The following SLC26A7 variants were observed in gnomAD, a reference collection of about 807,000 sequenced individuals.
The protein encoded by SLC26A7 is solute carrier family 26 member 7, also known as anion exchange transporter.
Under a neutral mutation model 82.5 loss-of-function variants are expected in SLC26A7, and 59 were observed. The observed-to-expected ratio is 0.72, with a 90% confidence interval of 0.58 to 0.89. The LOEUF (loss-of-function observed/expected upper bound fraction) is 0.89, where lower values mean the gene tolerates loss of function less well. Among genes scored for constraint, SLC26A7 ranks in the 40% least tolerant of loss-of-function variants. SLC26A7 has a pLI of 0.00. For missense variants in SLC26A7, 820 were observed against 793.0 expected, an observed-to-expected ratio of 1.03 and a Z score of -0.41; for synonymous variants, 271 against 274.3, an observed-to-expected ratio of 0.99 and a Z score of 0.12.
chr8:91,217,714 G>A (rs896899653), intron 1 of SLC26A7, among the ~76,000 whole-genome samples: 1 of 152,148 alleles, frequency 6.6e-6, no homozygotes, highest in Non-Finnish European at 1.5e-5. Flanking sequence ...GGGCTTTTGT[G>A]CCAGCACAAT....
intron 1 of SLC26A7, among the ~76,000 whole-genome samples, chr8:91,214,009 G>T (rs1480001406): frequency 6.6e-6 from 1 of 152,002 alleles, no homozygotes; most frequent in Non-Finnish European, 1.5e-5. Context: ...AAACCGGTGA[G>T]ATATATATGT....
chr8:91,241,151 T>C (rs1810468644), intron 2 of SLC26A7, among the ~76,000 whole-genome samples: 1 of 152,162 alleles, frequency 6.6e-6, no homozygotes, highest in Admixed American at 6.5e-5. Flanking sequence ...TTTCTACTTC[T>C]TGGGTAAGTG....
At chr8:91,264,709 C>T (rs1339282734) in intron 2 of SLC26A7, among the ~76,000 whole-genome samples, 1 of 151,988 alleles carries the variant, frequency 6.6e-6, no homozygotes, top group Non-Finnish European at 1.5e-5. Context: ...TTTCCCAAAC[C>T]TCATTAAGTA....
chr8:91,246,188 T>C (rs1367450162), upstream of SLC26A7, among the ~76,000 whole-genome samples: 3 of 152,328 alleles, frequency 2.0e-5, no homozygotes, highest in East Asian at 5.8e-4. Flanking sequence ...TAAATGATTT[T>C]TGGGTACTTT....
At chr8:91,220,388 TAA>T (rs59098803) in intron 2 of SLC26A7, among the ~76,000 whole-genome samples, 1 of 144,700 alleles carries the variant, frequency 6.9e-6, no homozygotes, top group Admixed American at 6.9e-5. Flanking sequence ...TTATTTCTTC[TAA>T]AAAAAAAAAA....
chr8:91,390,990 T>A (rs2130907208), intron 16 of SLC26A7, among the ~76,000 whole-genome samples: 1 of 152,308 alleles, frequency 6.6e-6, no homozygotes, highest in East Asian at 1.9e-4. Flanking sequence ...CACAGCATGG[T>A]CAGAAAGTGG....
rs751023471 is a variant in SLC26A7 at position 91,362,337 on chromosome 8, C to A, written c.1315-16C>A. 1.1e-5 allele frequency: 17 copies of A among 1,586,038 alleles called. No homozygotes were observed. The South Asian group carries it at 1.9e-4, about 18-fold the overall frequency. ...TCCAAAGGATTCACAACTTCTGTTT[C>A]TTGTTTCTCTTTCAGGGAATATGGG... On this transcript the variant is annotated splice_polypyrimidine_tract_variant and intron_variant, in intron 11 of 18. Coordinates refer to ENST00000276609, the MANE Select transcript of SLC26A7 (RefSeq NM_052832.4).
At position 91,313,998 on chromosome 8, in the gene SLC26A7, A is replaced by G. The variant is rs1040706684; in HGVS notation, c.478-4218A>G. On this transcript the variant is annotated intron_variant, in intron 4 of 18. Coordinates refer to ENST00000276609, the MANE Select transcript of SLC26A7 (RefSeq NM_052832.4). ...TTAATGTGGAACATATGGTGTTTAT[A>G]GAAGCATTATCAAATAGTATCATGC... Among the ~76,000 whole-genome samples the G allele has an allele frequency of 5.3e-5, 8 of 152,368 alleles. No homozygotes were observed. In the South Asian group the frequency reaches 1.4e-3, roughly 28 times the overall value.
upstream of SLC26A7, among the ~76,000 whole-genome samples, chr8:91,244,782 A>G (rs950313552): frequency 6.6e-5 from 10 of 151,786 alleles, no homozygotes; most frequent in African/African-American, 2.4e-4. Flanking sequence ...CTGCCTCCCA[A>G]AGTGCTAGGA....
At chr8:91,338,058 T>C (rs925241988) in intron 6 of SLC26A7, 92 bp from the exon 7 acceptor site, 4 of 705,244 alleles carry the variant, frequency 5.7e-6, no homozygotes, top group Non-Finnish European at 8.7e-6. Context: ...TTATGGGACA[T>C]GAGAACAATG....
At chr8:91,264,085 A>G (rs1390017663) in intron 2 of SLC26A7, among the ~76,000 whole-genome samples, 5 of 152,062 alleles carry the variant, frequency 3.3e-5, no homozygotes, top group Non-Finnish European at 7.4e-5. Context: ...CCTAAATGTT[A>G]CTACCTCTAA....
intron 5 of SLC26A7, 38 bp from the exon 6 acceptor site, chr8:91,334,257 A>G: frequency 1.9e-6 from 3 of 1,577,446 alleles, no homozygotes; most frequent in Non-Finnish European, 2.6e-6. Flanking sequence ...ATTATAGGTG[A>G]CCCTGAATTT....
At chr8:91,212,971 A>G (rs1048974231) in intron 1 of SLC26A7, among the ~76,000 whole-genome samples, 11 of 149,702 alleles carry the variant, frequency 7.3e-5, no homozygotes, top group African/African-American at 2.7e-4. Flanking sequence ...CTTTCGGAGA[A>G]CTCTCCCTTT....
chr8:91,311,115 A>T (rs1039656576), intron 4 of SLC26A7, among the ~76,000 whole-genome samples: 1 of 152,062 alleles, frequency 6.6e-6, no homozygotes, highest in East Asian at 1.9e-4. Context: ...CCCTACCCCC[A>T]TGGGAAACAA....
intron 14 of SLC26A7, among the ~76,000 whole-genome samples, chr8:91,369,114 CTT>C (rs1322971068): frequency 1.3e-5 from 2 of 152,134 alleles, no homozygotes; most frequent in Non-Finnish European, 2.9e-5. Context: ...AGTTTTGTGA[CTT>C]TGCTGAAGTT....
chr8:91,340,443 T>C lies in SLC26A7; in HGVS notation c.918T>C (p.Ser306=). ...GAGCTCCCCCGATGAACATCCTCTC[T>C]GCGGTGATCACTGAAGCTTTCGGAG... ...SPRAPPMNIL[S]AVITEAFGVA... Residue 306 remains serine (S), a synonymous_variant, in exon 8 of 19, where the codon TCT becomes TCC. Transcript: ENST00000276609. The C allele has an allele frequency of 6.2e-7, 1 of 1,614,028 alleles. No individual in the cohort carries two copies. The highest frequency in any genetic ancestry group is 8.5e-7 in the Non-Finnish European group (1 of 1,179,928).
intron 7 of SLC26A7, among the ~76,000 whole-genome samples, chr8:91,338,887 T>G (rs1383379353): frequency 6.6e-6 from 1 of 152,290 alleles, no homozygotes; most frequent in South Asian, 2.1e-4. Context: ...ACACTGATAA[T>G]TGTAAATTTG....
Position 91,389,430 on chromosome 8 carries a change from C to T in SLC26A7, c.1768C>T (p.Leu590Phe), listed in dbSNP as rs1314078892. Residue 590 changes from leucine (L) to phenylalanine (F), a missense_variant, in exon 16 of 19, where the codon CTT becomes TTT. By Grantham distance (22) the Leu-to-Phe change is conservative. Transcript: ENST00000276609. ...TFFDYSGVSMLVEVYMDCKGR... is the reference protein window; with the variant it reads ...TFFDYSGVSMFVEVYMDCKGR... The stretch of plus-strand genomic sequence containing the variant: ...TTTTGACTATTCTGGAGTCTCCATG[C>T]TTGTTGAGGTATTTATGGAACTTGT... 6.8e-6 allele frequency: 11 copies of T among 1,609,918 alleles called. No homozygotes were observed. Among genetic ancestry groups the T allele is most frequent in the Non-Finnish European group, 8.5e-6 (10 of 1,176,358 alleles).
At position 91,269,729 on chromosome 8, in the gene SLC26A7, C is replaced by CT. The variant is rs1353190239; in HGVS notation, c.194-19401dup. 3.3e-5 allele frequency among the ~76,000 whole-genome samples: 5 copies of CT among 152,006 alleles called. No individual in the cohort carries two copies. The East Asian group carries it at 9.6e-4, about 29-fold the overall frequency. ...ATATGCCTTCCAGTCCTTTTTCTCT[C>CT]TTTTTTAAGTGTTCCTAGTAAGTGG... is the stretch of plus-strand genomic sequence containing the variant. On this transcript the variant is annotated intron_variant, in intron 2 of 18. Coordinates refer to ENST00000276609, the MANE Select transcript of SLC26A7 (RefSeq NM_052832.4).
Sources: gnomAD v4.1 joint callset for allele counts (sites outside exome capture counted in the v4.1 genomes callset) on GRCh38, gnomAD v4.1.1 for gene constraint, MANE v1.5 for transcripts, NCBI Gene and HGNC (gene_info 2026-07-23, HGNC 2026-07-21) for gene names.